The following SLC30A8 variants were observed in gnomAD, a reference collection of about 807,000 sequenced individuals.
The protein encoded by SLC30A8 is solute carrier family 30 member 8.
Under a neutral mutation model 36.9 loss-of-function variants are expected in SLC30A8, and 27 were observed. The observed-to-expected ratio is 0.73, with a 90% CI of 0.54 to 1.01. SLC30A8 has a LOEUF of 1.01. Among genes scored for constraint, SLC30A8 ranks in the 50% least tolerant of loss-of-function variants. The pLI, the probability that SLC30A8 is intolerant of heterozygous loss-of-function variation, is 0.00. For synonymous variants in SLC30A8, 164 were observed against 172.4 expected (o/e 0.95, Z 0.38); for missense variants, 439 against 452.0 (o/e 0.97, Z 0.26).
intron 2 of SLC30A8, among the ~76,000 whole-genome samples, chr8:117,072,169 G>A (rs1415096159): frequency 2.0e-5 from 3 of 152,168 alleles, no homozygotes; most frequent in African/African-American, 7.2e-5. Context: ...CTAAGTAGCT[G>A]TATGTTCTTC....
chr8:117,023,643 T>A (rs1227199078), intron 1 of SLC30A8, among the ~76,000 whole-genome samples: 1 of 149,728 alleles, frequency 6.7e-6, no homozygotes, highest in Non-Finnish European at 1.5e-5. Flanking sequence ...ACACCGCATG[T>A]TCTCACTCAT....
At chr8:117,048,710 G>A (rs1463676284) in intron 2 of SLC30A8, among the ~76,000 whole-genome samples, 2 of 152,136 alleles carry the variant, frequency 1.3e-5, no homozygotes, top group Non-Finnish European at 2.9e-5. Context: ...TCTATAGCCT[G>A]CAGAAGTGCC....
chr8:117,076,648 T>C (rs561425113), intron 2 of SLC30A8, among the ~76,000 whole-genome samples: 1 of 152,284 alleles, frequency 6.6e-6, no homozygotes, highest in African/African-American at 2.4e-5. Flanking sequence ...AGTTTTTAGG[T>C]TGGGATTCAG....
chr8:117,112,487 T>A (rs1820273397), intron 2 of SLC30A8, among the ~76,000 whole-genome samples: 1 of 152,062 alleles, frequency 6.6e-6, no homozygotes, highest in African/African-American at 2.4e-5. Context: ...TGAGACTCAT[T>A]GAGTGTCAAG....
chr8:117,006,385 T>C (rs766275258), intron 1 of SLC30A8, among the ~76,000 whole-genome samples: 16 of 152,196 alleles, frequency 1.1e-4, no homozygotes, highest in Non-Finnish European at 4.4e-5. Context: ...CATTATGCCC[T>C]CACCCTGCTC....
At chr8:117,126,794 C>T (rs546401286) in intron 2 of SLC30A8, among the ~76,000 whole-genome samples, 1 of 152,036 alleles carries the variant, frequency 6.6e-6, no homozygotes, top group South Asian at 2.1e-4. Context: ...ATGAAGAGCA[C>T]AGTGTGGAAA....
At chr8:117,120,458 A>C (rs2130899556) in intron 2 of SLC30A8, among the ~76,000 whole-genome samples, 1 of 152,054 alleles carries the variant, frequency 6.6e-6, no homozygotes, top group African/African-American at 2.4e-5. Flanking sequence ...CCATACACAA[A>C]AGTCAACTCA....
chr8:117,102,198 G>T (rs1243314851), intron 2 of SLC30A8, among the ~76,000 whole-genome samples: 1 of 152,030 alleles, frequency 6.6e-6, no homozygotes, highest in Non-Finnish European at 1.5e-5. Context: ...ATTTTAGCTT[G>T]TGCTTCCTTT....
At chr8:117,161,999 A>G (rs1822817111) in intron 5 of SLC30A8, 111 bp downstream of exon 5, 4 of 939,644 alleles carry the variant, frequency 4.3e-6, no homozygotes, top group Non-Finnish European at 1.5e-6. Flanking sequence ...TACCTATACA[A>G]ACTACTTTGC....
At chr8:117,083,565 A>G (rs1221181736) in intron 2 of SLC30A8, among the ~76,000 whole-genome samples, 1 of 152,168 alleles carries the variant, frequency 6.6e-6, no homozygotes, top group Non-Finnish European at 1.5e-5. Flanking sequence ...CCATTCTTGC[A>G]CTATCCCTGG....
intron 1 of SLC30A8, among the ~76,000 whole-genome samples, chr8:117,026,955 G>A (rs576750441): frequency 6.6e-6 from 1 of 152,154 alleles, no homozygotes; most frequent in African/African-American, 2.4e-5. Flanking sequence ...TGATTCCATG[G>A]TCCGGGCGCC....
chr8:117,032,747 G>A (rs925733249), intron 1 of SLC30A8, among the ~76,000 whole-genome samples: 8 of 152,084 alleles, frequency 5.3e-5, no homozygotes, highest in African/African-American at 1.7e-4. Context: ...AAAATTAGCC[G>A]GGTGTGGTGG....
intron 1 of SLC30A8, among the ~76,000 whole-genome samples, chr8:117,009,429 G>A (rs1235797468): frequency 6.6e-6 from 1 of 152,186 alleles, no homozygotes; most frequent in Non-Finnish European, 1.5e-5. Context: ...AGAACTAGGT[G>A]AACAAATTGC....
chr8:117,051,340 T>G (rs1017031296), intron 2 of SLC30A8, among the ~76,000 whole-genome samples: 1 of 152,184 alleles, frequency 6.6e-6, no homozygotes, highest in African/African-American at 2.4e-5. Flanking sequence ...CTTTGATGTG[T>G]GAGACAGGAT....
intron 2 of SLC30A8, among the ~76,000 whole-genome samples, chr8:117,053,473 C>T (rs1336094198): frequency 6.6e-6 from 1 of 152,134 alleles, no homozygotes; most frequent in East Asian, 1.9e-4. Context: ...TTGCTCAGAT[C>T]CATATCCTGG....
At chr8:117,041,423 C>T (rs1452085326) in intron 2 of SLC30A8, among the ~76,000 whole-genome samples, 2 of 152,214 alleles carry the variant, frequency 1.3e-5, no homozygotes, top group Admixed American at 1.3e-4. Flanking sequence ...CACGGTGGCT[C>T]ACGCCTGTAA....
At chr8:116,976,517 A>G (rs1034992230) in intron 1 of SLC30A8, among the ~76,000 whole-genome samples, 17 of 152,194 alleles carry the variant, frequency 1.1e-4, no homozygotes, top group African/African-American at 3.4e-4. Flanking sequence ...TAAGGAATCC[A>G]TCAAACTCTC....
intron 2 of SLC30A8, among the ~76,000 whole-genome samples, chr8:117,121,769 C>T (rs78816841): frequency 0.056 from 8,490 of 151,936 alleles, 630 homozygotes; most frequent in African/African-American, 0.17. Flanking sequence ...TGATTCCATT[C>T]ATACAAGGTG....
At chr8:117,091,685 A>T in intron 2 of SLC30A8, among the ~76,000 whole-genome samples, 1 of 152,146 alleles carries the variant, frequency 6.6e-6, no homozygotes, top group Non-Finnish European at 1.5e-5. Context: ...TGGCCTCAGA[A>T]ATCCCGTTAT....
Sources: gnomAD v4.1 joint callset for allele counts (sites outside exome capture counted in the v4.1 genomes callset) on GRCh38, gnomAD v4.1.1 for gene constraint, MANE v1.5 for transcripts, NCBI Gene and HGNC (gene_info 2026-07-23, HGNC 2026-07-21) for gene names.